NCOA7: variants seen among roughly 807,000 people sequenced by gnomAD.
NCOA7 encodes the protein 140 kDa estrogen receptor-associated protein.
In NCOA7, 45 loss-of-function variants were observed where a neutral mutation model predicts 104.3. The observed-to-expected ratio is 0.43, with a 90% CI of 0.34 to 0.55. The LOEUF is 0.55. NCOA7 is among the 20% of genes least tolerant of loss of function. The pLI, the probability that NCOA7 is intolerant of heterozygous loss-of-function variation, is 0.02. For synonymous variants in NCOA7, 398 were observed against 402.3 expected (o/e 0.99, Z 0.13); for missense variants, 1,041 against 1,119.7 (o/e 0.93, Z 1.00).
chr6:125,827,363 C>G (rs904029234), intron 2 of NCOA7, among the ~76,000 whole-genome samples: 2 of 152,102 alleles, frequency 1.3e-5, no homozygotes, highest in African/African-American at 4.8e-5. Context: ...AGTGCCACCT[C>G]TTAATTCTGT....
intron 1 of NCOA7, among the ~76,000 whole-genome samples, chr6:125,801,309 T>C (rs371159306): frequency 1.2e-3 from 179 of 152,268 alleles, no homozygotes; most frequent in African/African-American, 4.2e-3. Flanking sequence ...AGAAAGCTCA[T>C]CGAGTTAACA....
rs560285139 is a variant in NCOA7, at chr6:125,929,011, C to G, written c.*240C>G. On this transcript the variant is annotated 3_prime_UTR_variant, in exon 16 of 16. Transcript: ENST00000392477. ...TTGAAAAGACTTTGTACTCCCACTT[C>G]CTCCAAATCCATACAGTGAGGAATC... 29 of 395,698 alleles carry G rather than the reference C, an allele frequency of 7.3e-5. No individual in the cohort carries two copies. Among genetic ancestry groups the G allele is most frequent in the African/African-American group, 5.4e-4 (26 of 48,404 alleles). The allele number at this position is 395,698 out of a possible 1,614,324, so 24.5% of individuals were successfully genotyped here.
At chr6:125,906,610 G>A (rs114577984) in intron 10 of NCOA7, among the ~76,000 whole-genome samples, 1 of 152,196 alleles carries the variant, frequency 6.6e-6, no homozygotes, top group Non-Finnish European at 1.5e-5. Context: ...GGGCACTGGT[G>A]AGGGTGAGCC....
intron 8 of NCOA7, among the ~76,000 whole-genome samples, chr6:125,887,994 G>A (rs1382276173): frequency 6.6e-6 from 1 of 152,054 alleles, no homozygotes; most frequent in Non-Finnish European, 1.5e-5. Context: ...ATAGGTGCAT[G>A]CCATGGTGGT....
intron 3 of NCOA7, among the ~76,000 whole-genome samples, chr6:125,870,332 C>T (rs1007944336): frequency 2.0e-5 from 3 of 152,176 alleles, no homozygotes; most frequent in Admixed American, 6.5e-5. Context: ...CTTTCAAAAC[C>T]TCTCTGTGAA....
chr6:125,919,311 A>C (rs1287028292), intron 11 of NCOA7: 8 of 1,612,752 alleles, frequency 5.0e-6, no homozygotes, highest in East Asian at 2.2e-5. Flanking sequence ...GTAGAGAGAA[A>C]ACTTGTTCCT....
At chr6:125,858,834 T>G (rs963684068) in intron 3 of NCOA7, among the ~76,000 whole-genome samples, 2 of 152,044 alleles carry the variant, frequency 1.3e-5, no homozygotes, top group Non-Finnish European at 2.9e-5. Flanking sequence ...TTGTTGGCTC[T>G]CCCAGCGTCT....
chr6:125,908,300 T>C (rs1786213173), intron 10 of NCOA7, among the ~76,000 whole-genome samples: 1 of 152,212 alleles, frequency 6.6e-6, no homozygotes, highest in East Asian at 1.9e-4. Flanking sequence ...CACACACATA[T>C]GCACATGCAG....
intron 2 of NCOA7, among the ~76,000 whole-genome samples, chr6:125,834,102 C>T (rs537234432): frequency 1.3e-5 from 2 of 152,222 alleles, no homozygotes; most frequent in South Asian, 4.2e-4. Context: ...GATGTACTTT[C>T]ATACACAGTG....
chr6:125,903,163 G>T (rs867314427), intron 10 of NCOA7, among the ~76,000 whole-genome samples: 5 of 152,188 alleles, frequency 3.3e-5, no homozygotes, highest in Admixed American at 1.3e-4. Context: ...TGAAGATAAA[G>T]ACCTTTGAGG....
chr6:125,829,770 A>C (rs1214192550), intron 2 of NCOA7, among the ~76,000 whole-genome samples: 4 of 148,562 alleles, frequency 2.7e-5, no homozygotes. Flanking sequence ...TAGAAGCACC[A>C]GGTAATATAG....
intron 5 of NCOA7, among the ~76,000 whole-genome samples, chr6:125,878,580 G>A (rs890670850): frequency 1.3e-5 from 2 of 151,958 alleles, no homozygotes; most frequent in East Asian, 3.9e-4. Flanking sequence ...CACCATCATG[G>A]CTCACTGCAG....
At chr6:125,848,956 T>C (rs1435731051) in intron 2 of NCOA7, among the ~76,000 whole-genome samples, 1 of 152,144 alleles carries the variant, frequency 6.6e-6, no homozygotes, top group African/African-American at 2.4e-5. Context: ...AATCAGAACA[T>C]TTAAATCAAC....
intron 1 of NCOA7, among the ~76,000 whole-genome samples, chr6:125,794,518 T>G (rs1775127025): frequency 6.6e-6 from 1 of 152,226 alleles, no homozygotes; most frequent in African/African-American, 2.4e-5. Context: ...TTTGATTGAA[T>G]TATATTCTTT....
chr6:125,800,893 G>A (rs752820254), intron 1 of NCOA7, among the ~76,000 whole-genome samples: 7 of 152,186 alleles, frequency 4.6e-5, no homozygotes, highest in Non-Finnish European at 8.8e-5. Flanking sequence ...CAGGTGTCGG[G>A]GCACGCGCCT....
At chr6:125,830,737 ATGTGTGTGTGTG>A (rs890797445) in intron 2 of NCOA7, among the ~76,000 whole-genome samples, 8 of 93,046 alleles carry the variant, frequency 8.6e-5, no homozygotes, top group Non-Finnish European at 1.7e-4. Context: ...ATATATATAT[ATGTGTGTGTGTG>A]TGTGTGTGTG....
chr6:125,830,757 GTGTA>G lies in NCOA7; in HGVS notation c.50+15357_50+15360del, dbSNP rs1375112591. Among the ~76,000 whole-genome samples, 513 of 145,914 alleles carry G rather than the reference GTGTA, an allele frequency of 3.5e-3. 6 individuals carry two copies. The highest frequency in any genetic ancestry group is 0.01 in the African/African-American group (393 of 37,924). On this transcript the variant is annotated intron_variant, in intron 2 of 15. Coordinates refer to ENST00000392477, the MANE Select transcript of NCOA7 (RefSeq NM_181782.5). ...TATATATGTGTGTGTGTGTGTGTGT[GTGTA>G]TGTGTGTGTGTGTGTGTGTGTATAG...
chr6:125,901,650 C>T (rs1785515320), intron 10 of NCOA7, among the ~76,000 whole-genome samples: 1 of 152,190 alleles, frequency 6.6e-6, no homozygotes. Flanking sequence ...AGGTTACAAA[C>T]AGTGCTCTTT....
chr6:125,829,609 C>T (rs1583316311), intron 2 of NCOA7, among the ~76,000 whole-genome samples: 1 of 152,140 alleles, frequency 6.6e-6, no homozygotes, highest in African/African-American at 2.4e-5. Context: ...AGTAAACAAC[C>T]TGCGGTGAAG....
Sources: gnomAD v4.1 joint callset for allele counts (sites outside exome capture counted in the v4.1 genomes callset) on GRCh38, gnomAD v4.1.1 for gene constraint, MANE v1.5 for transcripts, NCBI Gene and HGNC (gene_info 2026-07-23, HGNC 2026-07-21) for gene names.